The following SPRED2 variants were observed in gnomAD, a reference collection of about 807,000 sequenced individuals.
SPRED2 encodes the protein sprouty related EVH1 domain containing 2, also known as sprouty-related, EVH1 domain-containing protein 2.
In SPRED2, 47 loss-of-function variants were observed where a neutral mutation model predicts 43.0. The observed-to-expected ratio is 1.09, with a 90% confidence interval of 0.87 to 1.40. The LOEUF (loss-of-function observed/expected upper bound fraction) is 1.40. SPRED2 is among the 40% of genes most tolerant of loss of function. SPRED2 has a pLI of 0.00. For synonymous variants in SPRED2, 225 were observed against 225.7 expected (o/e 1.00, Z 0.03); for missense variants, 561 against 586.4 (o/e 0.96, Z 0.45).
At chr2:65,367,681 C>T (rs905696899) in intron 1 of SPRED2, among the ~76,000 whole-genome samples, 7 of 152,138 alleles carry the variant, frequency 4.6e-5, no homozygotes, top group Admixed American at 2.6e-4. Context: ...GCCTTCTCCT[C>T]CCAGGGCGAT....
intron 1 of SPRED2, among the ~76,000 whole-genome samples, chr2:65,363,005 GTTTTTT>G (rs113081105): frequency 1.1e-3 from 132 of 121,092 alleles, no homozygotes; most frequent in Non-Finnish European, 1.5e-3. Flanking sequence ...ATCATGTTTT[GTTTTTT>G]TTTTTTTTTT....
At position 65,366,656 on chromosome 2, in the gene SPRED2, T is replaced by C. The variant is rs1189684150; in HGVS notation, c.27-21760A>G. On this transcript the variant is annotated intron_variant, in intron 1 of 5. Transcript: ENST00000356388. ...TGCTGGGTATTAGCATTATTGCTAC[T>C]ATAAAGCTTCCGATAAAAATGGATC... is the stretch of plus-strand genomic sequence containing the variant. The C allele has an allele frequency of 5.8e-6, 9 of 1,545,222 alleles. 1 individual carries two copies. The highest frequency in any genetic ancestry group is 3.4e-4 in the Middle Eastern group (2 of 5,968).
At chr2:65,340,078 T>C (rs561296224) in intron 2 of SPRED2, among the ~76,000 whole-genome samples, 1 of 152,370 alleles carries the variant, frequency 6.6e-6, no homozygotes, top group South Asian at 2.1e-4. Flanking sequence ...ACTTTTGTTC[T>C]GGAAAAGTTA....
At chr2:65,318,997 G>T (rs1258919943) in intron 4 of SPRED2, among the ~76,000 whole-genome samples, 3 of 152,112 alleles carry the variant, frequency 2.0e-5, no homozygotes, top group Non-Finnish European at 4.4e-5. Flanking sequence ...TCATTTTAGG[G>T]ACAAGGGCAA....
chr2:65,323,034 G>A (rs1289547324), intron 4 of SPRED2, among the ~76,000 whole-genome samples: 1 of 152,066 alleles, frequency 6.6e-6, no homozygotes, highest in Non-Finnish European at 1.5e-5. Flanking sequence ...TCGCTCTGTC[G>A]CCCAGGCTGG....
chr2:65,370,026 G>C (rs1157005318), intron 1 of SPRED2, among the ~76,000 whole-genome samples: 2 of 152,184 alleles, frequency 1.3e-5, no homozygotes, highest in Non-Finnish European at 2.9e-5. Context: ...CCAAATACTG[G>C]CTTATGTCAG....
chr2:65,360,089 CAAAAAAAAAACAAA>C (rs1465206129), intron 1 of SPRED2, among the ~76,000 whole-genome samples: 2 of 43,182 alleles, frequency 4.6e-5, no homozygotes, highest in African/African-American at 1.1e-4. Context: ...CAAAAAAAAA[CAAAAAAAAAACAAA>C]AAAAAAAAAA....
chr2:65,381,522 G>A (rs1675373799), intron 1 of SPRED2, among the ~76,000 whole-genome samples: 1 of 152,224 alleles, frequency 6.6e-6, no homozygotes, highest in Admixed American at 6.5e-5. Context: ...GGTTTGTTAT[G>A]CTAGTTAGCT....
chr2:65,410,651 C>T (rs914171942), intron 1 of SPRED2, among the ~76,000 whole-genome samples: 4 of 150,292 alleles, frequency 2.7e-5, no homozygotes, highest in Admixed American at 6.6e-5. Flanking sequence ...CCCAGCTACT[C>T]GGGAGGCTGA....
At chr2:65,421,986 T>C (rs1676434678) in intron 1 of SPRED2, among the ~76,000 whole-genome samples, 1 of 152,112 alleles carries the variant, frequency 6.6e-6, no homozygotes, top group Admixed American at 6.5e-5. Flanking sequence ...GACAGGGCCC[T>C]CTCAGAATCT....
chr2:65,363,284 G>C lies in SPRED2; in HGVS notation c.27-18388C>G, dbSNP rs564764148. ...AAAATTCCAACTGGGAATGCGCACG[G>C]TTTCCACAACTATGCCACATATAGC... On this transcript the variant is annotated intron_variant, in intron 1 of 5. Transcript: ENST00000356388. Among the ~76,000 whole-genome samples the C allele has an allele frequency of 8.6e-5, 13 of 151,294 alleles. No homozygotes were observed. The South Asian group carries it at 2.7e-3, about 32-fold the overall frequency.
At chr2:65,309,572 A>G (rs1010833235), downstream of SPRED2, among the ~76,000 whole-genome samples, 5 of 151,570 alleles carry the variant, frequency 3.3e-5, no homozygotes, top group Admixed American at 6.6e-5. Flanking sequence ...TTATATGCAA[A>G]TATATCAGGG....
In SPRED2 at chr2:65,424,767, G is replaced by A. The variant is rs530170801; in HGVS notation, c.26+7195C>T. Among the ~76,000 whole-genome samples the A allele has an allele frequency of 7.9e-5, 12 of 152,114 alleles. No homozygotes were observed. In the East Asian group the frequency reaches 1.7e-3, roughly 22 times the overall value. On this transcript the variant is annotated intron_variant, in intron 1 of 5. Transcript: ENST00000356388. ...GGAGCTGAAGGCCATCCTGGGCAAC[G>A]TTAAGAAGACCTCACCTCTACTAAA...
At chr2:65,429,032 A>G (rs889582210) in intron 1 of SPRED2, among the ~76,000 whole-genome samples, 22 of 152,230 alleles carry the variant, frequency 1.4e-4, no homozygotes, top group African/African-American at 5.3e-4. Flanking sequence ...TGTATTTTCT[A>G]TATGGAAGAT....
At chr2:65,416,705 G>T (rs1245699729) in intron 1 of SPRED2, among the ~76,000 whole-genome samples, 1 of 152,194 alleles carries the variant, frequency 6.6e-6, no homozygotes, top group African/African-American at 2.4e-5. Context: ...TTCAAAGTAG[G>T]ATGGGGAAAT....
At chr2:65,329,413 T>G (rs976864294) in intron 4 of SPRED2, among the ~76,000 whole-genome samples, 7 of 152,228 alleles carry the variant, frequency 4.6e-5, no homozygotes, top group African/African-American at 1.4e-4. Flanking sequence ...TAATAGGTCC[T>G]TGTTTGTAAA....
rs1270311688 is a variant in SPRED2 at position 65,313,567 on chromosome 2, A to C, written c.1191T>G (p.Leu397=). The C allele has an allele frequency of 6.2e-7, 1 of 1,614,096 alleles. No individual in the cohort carries two copies. The highest frequency in any genetic ancestry group is 8.5e-7 in the Non-Finnish European group (1 of 1,179,978). ...LAPCMCCYLP[L]RACYHCGVMC... is the part of the protein sequence containing the mutation. Reference sequence around the variant, plus strand: ...TCACTCCGCAGTGGTAGCAGGCCCGAAGGGGCAGGTAACAGCACATACAGG... The same window carrying C: ...TCACTCCGCAGTGGTAGCAGGCCCGCAGGGGCAGGTAACAGCACATACAGG... The change falls in exon 6 of 6, where the codon CTT becomes CTG. Residue 397 remains leucine (L), a synonymous_variant. Transcript: ENST00000356388.
Position 65,313,022 on chromosome 2 carries a change from T to C in SPRED2, c.*479A>G. Reference sequence around the variant, plus strand: ...CGGGTTTCATCATTCTCACATCCCATTTCCGCTGAACCAGATGCTTGCTAG... The same window carrying C: ...CGGGTTTCATCATTCTCACATCCCACTTCCGCTGAACCAGATGCTTGCTAG... On this transcript the variant is annotated 3_prime_UTR_variant, in exon 6 of 6. Transcript: ENST00000356388. 1.0e-6 allele frequency: 1 copy of C among 986,416 alleles called. No individual in the cohort carries two copies. Among genetic ancestry groups the C allele is most frequent in the Non-Finnish European group, 1.2e-6 (1 of 830,624 alleles). 61.1% of individuals were successfully genotyped at this position (986,416 alleles called of 1,614,324 possible).
At chr2:65,326,175 T>C (rs1391212544) in intron 4 of SPRED2, among the ~76,000 whole-genome samples, 1 of 152,216 alleles carries the variant, frequency 6.6e-6, no homozygotes, top group Non-Finnish European at 1.5e-5. Context: ...ATATTCTTCC[T>C]TTTGCAAGGG....
Sources: allele counts gnomAD v4.1 joint callset (sites outside exome capture counted in the v4.1 genomes callset), GRCh38; gene constraint gnomAD v4.1.1; transcripts MANE v1.5; gene names NCBI Gene and HGNC (gene_info 2026-07-23, HGNC 2026-07-21).